Variants in VEGFC observed in about 807,000 individuals in gnomAD.
The protein encoded by VEGFC is FLT4 ligand DHM.
A neutral mutation model predicts 46.1 loss-of-function variants in VEGFC; 12 were observed. The observed-to-expected ratio is 0.26, with a 90% confidence interval of 0.17 to 0.42. The LOEUF is 0.42. Among genes scored for constraint, VEGFC ranks in the 10% least tolerant of loss-of-function variants. The pLI is 1.00. For synonymous variants in VEGFC, 232 were observed against 195.5 expected (o/e 1.19, Z -1.56); for missense variants, 488 against 529.4 (o/e 0.92, Z 0.77).
At chr4:176,748,069 A>G (rs897845032) in intron 1 of VEGFC, among the ~76,000 whole-genome samples, 6 of 152,096 alleles carry the variant, frequency 3.9e-5, no homozygotes, top group Non-Finnish European at 8.8e-5. Context: ...ATATGTATAT[A>G]AAAACTTTGG....
At position 176,745,627 on chromosome 4, in the gene VEGFC, ACACT is replaced by A. The variant is rs1735247525; in HGVS notation, c.148-15885_148-15882del. On this transcript the variant is annotated intron_variant, in intron 1 of 6. Coordinates refer to ENST00000618562, the MANE Select transcript of VEGFC (RefSeq NM_005429.5). ...AAGCCAAAAATGTGATGTCCTGCTA[ACACT>A]ATACTGGGACCTGCTTGGGTCTGTC... Among the ~76,000 whole-genome samples the A allele has an allele frequency of 1.4e-4, 22 of 152,222 alleles. No individual in the cohort carries two copies. The South Asian group carries it at 4.4e-3, about 30-fold the overall frequency.
chr4:176,769,363 T>C (rs1322152817), intron 1 of VEGFC, among the ~76,000 whole-genome samples: 3 of 152,174 alleles, frequency 2.0e-5, no homozygotes, highest in Admixed American at 6.5e-5. Flanking sequence ...CTTTGTTTCA[T>C]TGTGCCTCTC....
At chr4:176,690,550 T>C (rs530571139) in intron 4 of VEGFC, among the ~76,000 whole-genome samples, 1 of 152,292 alleles carries the variant, frequency 6.6e-6, no homozygotes, top group Admixed American at 6.5e-5. Context: ...TTTTTGTCAT[T>C]ATTTTCTAGG....
chr4:176,771,600 C>T (rs182802223), intron 1 of VEGFC, among the ~76,000 whole-genome samples: 52 of 152,232 alleles, frequency 3.4e-4, no homozygotes, highest in Non-Finnish European at 4.7e-4. Flanking sequence ...CTGTGAGTAA[C>T]GTGTAAGACA....
intron 1 of VEGFC, among the ~76,000 whole-genome samples, chr4:176,750,395 A>G (rs1735322393): frequency 6.6e-6 from 1 of 151,800 alleles, no homozygotes; most frequent in Non-Finnish European, 1.5e-5. Flanking sequence ...AGTTTAAAAT[A>G]GAGACTGAAG....
intron 4 of VEGFC, among the ~76,000 whole-genome samples, chr4:176,694,916 G>A (rs1211245104): frequency 7.6e-5 from 11 of 144,506 alleles, no homozygotes. Flanking sequence ...AAATAAAGAT[G>A]TTCTTTGAAA....
intron 1 of VEGFC, among the ~76,000 whole-genome samples, chr4:176,747,453 G>A (rs913365076): frequency 6.6e-6 from 1 of 151,900 alleles, no homozygotes; most frequent in African/African-American, 2.4e-5. Flanking sequence ...GCAAACCCTG[G>A]GTCAGAAGGT....
chr4:176,759,302 T>C (rs1051289841), intron 1 of VEGFC, among the ~76,000 whole-genome samples: 4 of 151,700 alleles, frequency 2.6e-5, no homozygotes, highest in African/African-American at 9.7e-5. Flanking sequence ...AAGAAGGAAA[T>C]CCGGCCATTT....
intron 1 of VEGFC, among the ~76,000 whole-genome samples, chr4:176,745,996 G>A (rs1053202449): frequency 6.6e-6 from 1 of 152,024 alleles, no homozygotes; most frequent in Non-Finnish European, 1.5e-5. Context: ...AAGGAGTGAA[G>A]TCAACATAAA....
chr4:176,692,108 G>C (rs1281885450), intron 4 of VEGFC, among the ~76,000 whole-genome samples: 1 of 151,764 alleles, frequency 6.6e-6, no homozygotes, highest in East Asian at 2.0e-4. Context: ...AAAAAACGGC[G>C]CACCGGCCCG....
In VEGFC at chr4:176,749,181, A is replaced by G. The variant is rs189278382; in HGVS notation, c.148-19435T>C. ...GATGTTGAGTCCTTTTGGCCTAACA[A>G]TGAATACAGGAGAATGGATGTTGAT... On this transcript the variant is annotated intron_variant, in intron 1 of 6. Transcript: ENST00000618562. 3.1e-4 allele frequency among the ~76,000 whole-genome samples: 47 copies of G among 152,066 alleles called. 1 individual carries two copies. Among genetic ancestry groups the G allele is most frequent in the East Asian group, 3.9e-4 (2 of 5,160 alleles).
rs147619508 is a variant in VEGFC at position 176,688,233 on chromosome 4, C to G, written c.705-306G>C. Among the ~76,000 whole-genome samples, 368 of 152,048 alleles carry G rather than the reference C, an allele frequency of 2.4e-3. 2 individuals carry two copies. Among genetic ancestry groups the G allele is most frequent in the African/African-American group, 7.8e-3 (325 of 41,468 alleles). The stretch of plus-strand genomic sequence containing the variant: ...AGCTTGTGAAATAAATAAGGTAAAA[C>G]CTTTTGCTTTAAAATTTTTTTCCAT... On this transcript the variant is annotated intron_variant, in intron 4 of 6. Coordinates refer to ENST00000618562, the MANE Select transcript of VEGFC (RefSeq NM_005429.5).
At chr4:176,767,963 G>C (rs1356445303) in intron 1 of VEGFC, among the ~76,000 whole-genome samples, 1 of 152,140 alleles carries the variant, frequency 6.6e-6, no homozygotes, top group East Asian at 1.9e-4. Flanking sequence ...ACACAGCCAA[G>C]AGGATTGGAT....
At chr4:176,765,041 C>CA (rs960727014) in intron 1 of VEGFC, among the ~76,000 whole-genome samples, 1 of 150,596 alleles carries the variant, frequency 6.6e-6, no homozygotes, top group African/African-American at 2.4e-5. Flanking sequence ...GACTCTGCCT[C>CA]AAAAAAAAGA....
intron 4 of VEGFC, among the ~76,000 whole-genome samples, chr4:176,692,122 C>T (rs1208596285): frequency 1.3e-5 from 2 of 151,980 alleles, no homozygotes; most frequent in Non-Finnish European, 2.9e-5. Flanking sequence ...CGGCCCGGCG[C>T]GGTGGCTCAC....
At chr4:176,699,506 TG>T (rs1734386965) in intron 4 of VEGFC, among the ~76,000 whole-genome samples, 1 of 152,244 alleles carries the variant, frequency 6.6e-6, no homozygotes, top group Non-Finnish European at 1.5e-5. Flanking sequence ...AGACCCTTCT[TG>T]CCCAAGCTTT....
At chr4:176,693,821 T>G (rs1158899655) in intron 4 of VEGFC, among the ~76,000 whole-genome samples, 7 of 146,284 alleles carry the variant, frequency 4.8e-5, no homozygotes, top group Admixed American at 2.0e-4. Flanking sequence ...GGGGCCAATA[T>G]TCAACATTCT....
intron 1 of VEGFC, among the ~76,000 whole-genome samples, chr4:176,741,496 A>G (rs537482179): frequency 1.3e-5 from 2 of 152,086 alleles, no homozygotes; most frequent in African/African-American, 4.8e-5. Context: ...TCAGATAGCT[A>G]CTGAATTATG....
rs1357318046 is a variant in VEGFC, at chr4:176,740,129, GA to G, written c.148-10384del. Among the ~76,000 whole-genome samples the G allele has an allele frequency of 1.8e-4, 21 of 116,894 alleles. 3 individuals carry two copies. The East Asian group carries it at 3.5e-3, about 19-fold the overall frequency. The allele number at this position is 116,894 out of a possible 152,430, so 76.7% of individuals were successfully genotyped here. On this transcript the variant is annotated intron_variant, in intron 1 of 6. Coordinates refer to ENST00000618562, the MANE Select transcript of VEGFC (RefSeq NM_005429.5). ...ATTCTATATATATATTCTATATATA[GA>G]ATATATAACTATATATAGAAGTTAT...
Sources: allele counts gnomAD v4.1 joint callset (sites outside exome capture counted in the v4.1 genomes callset), GRCh38; gene constraint gnomAD v4.1.1; transcripts MANE v1.5; gene names NCBI Gene and HGNC (gene_info 2026-07-23, HGNC 2026-07-21).